The following HDHD5 variants were observed in gnomAD, a reference collection of about 807,000 sequenced individuals.
HDHD5 encodes the protein haloacid dehalogenase like hydrolase domain containing 5, also known as haloacid dehalogenase-like hydrolase domain-containing 5.
A neutral mutation model predicts 35.5 loss-of-function variants in HDHD5; 34 were observed. That is an observed-to-expected ratio of 0.96 (90% CI 0.73 to 1.28). The LOEUF (loss-of-function observed/expected upper bound fraction) is 1.28. Among genes scored for constraint, HDHD5 ranks in the 50% most tolerant of loss-of-function variants. The pLI is 0.00. For synonymous variants in HDHD5, 248 were observed against 240.6 expected (o/e 1.03, Z -0.29); for missense variants, 589 against 560.2 (o/e 1.05, Z -0.52).
rs2061563576 is a variant in HDHD5 at position 17,138,636 on chromosome 22, G to A, written c.849C>T (p.Leu283=). 1 of 1,614,262 alleles carries A rather than the reference G, an allele frequency of 6.2e-7. No individual in the cohort carries two copies. Among genetic ancestry groups the A allele is most frequent in the Non-Finnish European group, 8.5e-7 (1 of 1,180,044 alleles). The part of the protein sequence containing the change: ...YEGLMGKPSI[L]TYQYAEDLIR... The stretch of plus-strand genomic sequence containing the variant: ...TCAGGTCCTCGGCATACTGGTAAGT[G>A]AGGATGCTGGGTTTGCCCATCAGGC... The change falls in exon 7 of 8, where the codon CTC becomes CTT. Residue 283 remains leucine, a synonymous_variant. Transcript: ENST00000336737.
intron 1 of HDHD5, among the ~76,000 whole-genome samples, chr22:17,152,180 C>T (rs917885637): frequency 6.6e-6 from 1 of 152,078 alleles, no homozygotes; most frequent in Non-Finnish European, 1.5e-5. Flanking sequence ...GTCTCCGAGG[C>T]CAATTTAAGG....
intron 3 of HDHD5, 56 bp downstream of exon 3, chr22:17,148,392 G>A: frequency 7.1e-7 from 1 of 1,413,384 alleles, no homozygotes; most frequent in South Asian, 1.2e-5. Flanking sequence ...AGCTAAGGGA[G>A]GAAACACCTC....
At chr22:17,152,134 C>G (rs959440014) in intron 1 of HDHD5, among the ~76,000 whole-genome samples, 1 of 152,280 alleles carries the variant, frequency 6.6e-6, no homozygotes, top group African/African-American at 2.4e-5. Flanking sequence ...CCAGAGGAAC[C>G]TGACCCACAG....
chr22:17,143,205 G>A, intron 4 of HDHD5, 74 bp from the exon 5 acceptor site: 1 of 1,545,032 alleles, frequency 6.5e-7, no homozygotes. Context: ...CCCACCTCCA[G>A]GGTGCTGGGA....
intron 5 of HDHD5, 166 bp from the exon 6 acceptor site, chr22:17,141,399 A>T: frequency 7.3e-7 from 1 of 1,373,716 alleles, no homozygotes; most frequent in South Asian, 1.8e-5. Context: ...TTACCCATCC[A>T]CCCTGGGTGC....
rs141580777 is a variant in HDHD5, at chr22:17,148,493, C to T, written c.398G>A (p.Arg133Gln). Residue 133 changes from arginine (R) to glutamine (Q), a missense_variant, in exon 3 of 8, where the codon CGG becomes CAG. Transcript: ENST00000336737. ...MKLFSEYHEK[R>Q]MLVSGQGPVM... ...GGGCCCCTGTCCAGACACCAGCATC[C>T]GCTTCTCATGGTACTCGGAGAAGAG... The T allele has an allele frequency of 6.5e-5, 105 of 1,614,164 alleles. No homozygotes were observed. The Admixed American group carries it at 1.3e-3, about 20-fold the overall frequency.
At chr22:17,142,978 C>G in intron 5 of HDHD5, 120 bp downstream of exon 5, 2 of 964,030 alleles carry the variant, frequency 2.1e-6, no homozygotes, top group South Asian at 3.0e-5. Context: ...GCCCAGGTGT[C>G]CTGACTCCAA....
chr22:17,141,452 T>C lies in HDHD5; in HGVS notation c.572-219A>G, dbSNP rs2061600642. The C allele has an allele frequency of 6.6e-6, 9 of 1,355,318 alleles. No homozygotes were observed. The South Asian group carries it at 1.1e-4, about 17-fold the overall frequency. The allele number at this position is 1,355,318 out of a possible 1,614,324, so 84.0% of individuals were successfully genotyped here. A position where few individuals can be genotyped will look rare whatever the true frequency, so the allele number is the denominator to read the frequency against. The stretch of plus-strand genomic sequence containing the variant: ...GGAAGGAGATTCCTGAGGGCTCCCA[T>C]TCTGACTTCAGTCCACCAGTGCTTC... On this transcript the variant is annotated intron_variant, in intron 5 of 7. Transcript: ENST00000336737.
Position 17,143,123 on chromosome 22 carries a change from C to G in HDHD5, c.546G>C (p.Pro182=), listed in dbSNP as rs190413708. ...LERRLKTTPL[P]RNDFPRIEGV... ...CTTCAATGCGGGGGAAGTCATTCCTCGGGAGGGGCTGCAGAGAGACAAAGG... is the reference window on the plus strand; with the variant it reads ...CTTCAATGCGGGGGAAGTCATTCCTGGGGAGGGGCTGCAGAGAGACAAAGG... The change falls in exon 5 of 8, where the codon CCG becomes CCC. Residue 182 remains proline (P), a synonymous_variant. Transcript: ENST00000336737. 6.2e-7 allele frequency: 1 copy of G among 1,609,082 alleles called. No individual in the cohort carries two copies. Among genetic ancestry groups the G allele is most frequent in the Non-Finnish European group, 8.5e-7 (1 of 1,178,118 alleles).
At chr22:17,148,690 C>T in intron 2 of HDHD5, 130 bp from the exon 3 acceptor site, 2 of 685,764 alleles carry the variant, frequency 2.9e-6, no homozygotes. Flanking sequence ...GGGAGGAAAG[C>T]CCTTTCTAGC....
chr22:17,137,898 G>C lies in HDHD5; in HGVS notation c.*123C>G. On this transcript the variant is annotated 3_prime_UTR_variant, in exon 8 of 8. Transcript: ENST00000336737. ...AGTGACCAGTAATGCCACACTCATG[G>C]GGCAGCAAGAAGGGTGGCAAGGGAA... The C allele has an allele frequency of 1.4e-6, 1 of 708,364 alleles. No individual in the cohort carries two copies. The highest frequency in any genetic ancestry group is 2.3e-6 in the Non-Finnish European group (1 of 427,584). 43.9% of individuals were successfully genotyped at this position (708,364 alleles called of 1,614,324 possible).
intron 6 of HDHD5, among the ~76,000 whole-genome samples, chr22:17,139,470 G>GCGGGCCAAGATTGCAC (rs2061574844): frequency 1.3e-5 from 2 of 151,950 alleles, no homozygotes; most frequent in South Asian, 4.1e-4. Context: ...GGAGGTTGCA[G>GCGGGCCAAGATTGCAC]CGGGCCAAGA....
intron 6 of HDHD5, among the ~76,000 whole-genome samples, chr22:17,139,246 G>A (rs1233067971): frequency 2.0e-5 from 3 of 152,218 alleles, no homozygotes; most frequent in African/African-American, 7.2e-5. Context: ...GGGGACAGGC[G>A]GCCAGGCGCA....
chr22:17,148,027 C>T (rs990606937), intron 3 of HDHD5, among the ~76,000 whole-genome samples: 2 of 152,202 alleles, frequency 1.3e-5, no homozygotes, highest in African/African-American at 2.4e-5. Flanking sequence ...GACAGGCTCC[C>T]GGTAGCTGCT....
At chr22:17,138,813 C>G in intron 6 of HDHD5, 75 bp from the exon 7 acceptor site, 1 of 1,543,978 alleles carries the variant, frequency 6.5e-7, no homozygotes, top group Non-Finnish European at 8.9e-7. Flanking sequence ...CTGCCACTGT[C>G]TAAGCAGCAA....
intron 3 of HDHD5, among the ~76,000 whole-genome samples, chr22:17,147,776 A>C (rs912494681): frequency 6.3e-5 from 9 of 143,336 alleles, no homozygotes; most frequent in African/African-American, 2.4e-4. Flanking sequence ...CACACGCCCC[A>C]CACCTGTGAC....
rs113949524 is a variant in HDHD5, at chr22:17,138,822, A to T, written c.747-84T>A. ...ACACGACTGCCACTGTCTAAGCAGCAAACACACAGACCAGCCTTTTCCCCA... is the reference window on the plus strand; with the variant it reads ...ACACGACTGCCACTGTCTAAGCAGCTAACACACAGACCAGCCTTTTCCCCA... On this transcript the variant is annotated intron_variant, in intron 6 of 7. Transcript: ENST00000336737. 5,591 of 1,484,986 alleles carry T rather than the reference A, an allele frequency of 3.8e-3. 126 individuals carry two copies. The African/African-American group carries it at 0.061, about 16-fold the overall frequency. The allele number at this position is 1,484,986 out of a possible 1,614,324, so 92.0% of individuals were successfully genotyped here.
chr22:17,138,239 C>G lies in HDHD5; in HGVS notation c.1054G>C (p.Ala352Pro). 1 of 1,614,204 alleles carries G rather than the reference C, an allele frequency of 6.2e-7. No homozygotes were observed. Among genetic ancestry groups the G allele is most frequent in the South Asian group, 1.1e-5 (1 of 91,088 alleles). The change falls in exon 8 of 8, where the codon GCA becomes CCA. Residue 352 changes from alanine (A) to proline (P), a missense_variant. Ala to Pro is a conservative substitution (Grantham distance 27, BLOSUM62 -1). Transcript: ENST00000336737. ...AGGATGGAGATGCAGCTCTGGCTTG[C>G]TGAGGGCTGTTGCTGCCGTGTGCCC... ...AGGTRQQQPSASQSCISILVC... is the reference protein window; with the variant it reads ...AGGTRQQQPSPSQSCISILVC...
At position 17,141,064 on chromosome 22, in the gene HDHD5, C is replaced by A. The variant is rs758683639; in HGVS notation, c.741G>T (p.Met247Ile). The A allele has an allele frequency of 4.4e-6, 7 of 1,583,092 alleles. No homozygotes were observed. Among genetic ancestry groups the A allele is most frequent in the Non-Finnish European group, 4.3e-6 (5 of 1,166,658 alleles). Reference protein sequence around the residue: ...MDLLWMAEAKMPRFGHGTFLL... With the variant: ...MDLLWMAEAKIPRFGHGTFLL... ...TGGGAGCTTTGTGTCCTCACCTGGG[C>A]ATCTTGGCTTCAGCCATCCACAGGA... Residue 247 changes from methionine (M) to isoleucine (I), a missense_variant, in exon 6 of 8, where the codon ATG becomes ATT. Coordinates refer to ENST00000336737, the MANE Select transcript of HDHD5 (RefSeq NM_033070.3).
Sources: allele counts gnomAD v4.1 joint callset (sites outside exome capture counted in the v4.1 genomes callset), GRCh38; gene constraint gnomAD v4.1.1; transcripts MANE v1.5; gene names NCBI Gene and HGNC (gene_info 2026-07-23, HGNC 2026-07-21).